The following CCDC51 variants were observed in gnomAD, a reference collection of about 807,000 sequenced individuals.
CCDC51 encodes mitochondrial potassium channel.
CCDC51 carries 25 observed loss-of-function variants against 24.8 expected under a neutral mutation model. The observed-to-expected ratio is 1.01, with a 90% CI of 0.73 to 1.41. CCDC51 has a LOEUF of 1.41. Ranked by LOEUF, CCDC51 falls within the 40% of genes most tolerant of loss-of-function variation. CCDC51 has a pLI of 0.00. For missense variants in CCDC51, 466 were observed against 519.1 expected (o/e 0.90, Z 0.99); for synonymous variants, 190 against 204.3 (o/e 0.93, Z 0.60).
chr3:48,434,983 GGT>G lies in CCDC51; in HGVS notation c.144_145del (p.Arg48SerfsTer2). ...GTGCAGCCCCAGGGCCACCTCCTCA[GGT>G]CTTTTCTCTCCGGGCTGGCTTGGGC... On this transcript the variant is annotated frameshift_variant, in exon 2 of 4. Transcript: ENST00000395694. LOFTEE classifies it high-confidence loss of function. 6.2e-7 allele frequency: 1 copy of G among 1,614,250 alleles called. No homozygotes were observed. Among genetic ancestry groups the G allele is most frequent in the Non-Finnish European group, 8.5e-7 (1 of 1,180,056 alleles).
chr3:48,439,130 C>G (rs2039466386), intron 1 of CCDC51, among the ~76,000 whole-genome samples: 1 of 152,214 alleles, frequency 6.6e-6, no homozygotes, highest in African/African-American at 2.4e-5. Flanking sequence ...CCTAGCACTC[C>G]TGACCCACTT....
chr3:48,444,976 CAA>C (rs1354836250), upstream of CCDC51: 1 of 152,220 alleles, frequency 6.6e-6, no homozygotes, highest in Non-Finnish European at 1.5e-5. Flanking sequence ...TCAATAAATG[CAA>C]AGACAGAGAC....
upstream of CCDC51, chr3:48,440,717 C>T (rs2039540591): frequency 5.8e-6 from 7 of 1,198,940 alleles, no homozygotes; most frequent in East Asian, 2.5e-5. Context: ...TTCCTGCCTC[C>T]TGAACTGCGA....
upstream of CCDC51, chr3:48,444,137 A>T (rs1575432632): frequency 5.7e-6 from 2 of 348,934 alleles, no homozygotes; most frequent in East Asian, 8.7e-5. Context: ...ATCTTGCCAG[A>T]GTCTGTTCTT....
intron 1 of CCDC51, among the ~76,000 whole-genome samples, chr3:48,439,696 T>G (rs902530946): frequency 1.3e-5 from 2 of 152,182 alleles, no homozygotes; most frequent in African/African-American, 4.8e-5. Context: ...TCACCCAATG[T>G]GTACAATTCA....
At chr3:48,439,946 G>A (rs1335539373) in intron 1 of CCDC51, 42 bp downstream of exon 1, 2 of 375,678 alleles carry the variant, frequency 5.3e-6, no homozygotes, top group Non-Finnish European at 9.6e-6. Flanking sequence ...GGAAAGCGAC[G>A]AGCTTGAAGC....
chr3:48,440,728 G>C (rs138356260), upstream of CCDC51: 3,052 of 1,098,532 alleles, frequency 2.8e-3, 12 homozygotes, highest in Non-Finnish European at 3.7e-3. Flanking sequence ...TGAACTGCGA[G>C]GTCTCGTTTT....
At chr3:48,443,970 G>C, upstream of CCDC51, 1 of 962,922 alleles carries the variant, frequency 1.0e-6, no homozygotes, top group Non-Finnish European at 1.4e-6. Flanking sequence ...CTTTTGCCAC[G>C]TATAGCTGGA....
In CCDC51 at chr3:48,437,351, A is replaced by C. The variant is rs1159863648; in HGVS notation, c.-8-2215T>G. ...TTTCTCCACTCCAGTCCCTCCCCTC[A>C]GCCTCTCCACCATCCCACCAGCCCC... On this transcript the variant is annotated intron_variant, in intron 1 of 3. Coordinates refer to ENST00000395694, the MANE Select transcript of CCDC51 (RefSeq NM_001256964.2). The surrounding 1 kb of genome is among the most constrained non-coding windows in gnomAD (Gnocchi z 4.2). Among the ~76,000 whole-genome samples, 2 of 151,990 alleles carry C rather than the reference A, an allele frequency of 1.3e-5. No homozygotes were observed. Among genetic ancestry groups the C allele is most frequent in the Non-Finnish European group, 2.9e-5 (2 of 68,006 alleles).
rs372471016 is a variant in CCDC51, at chr3:48,432,608, G to A, written c.1036C>T (p.His346Tyr). 34 of 1,614,142 alleles carry A rather than the reference G, an allele frequency of 2.1e-5. No individual in the cohort carries two copies. Among genetic ancestry groups the A allele is most frequent in the Non-Finnish European group, 2.8e-5 (33 of 1,180,058 alleles). Residue 346 changes from histidine (H) to tyrosine (Y), a missense_variant, in exon 4 of 4, where the codon CAC (histidine) becomes TAC (tyrosine). His to Tyr is a moderately conservative substitution (Grantham distance 83). Coordinates refer to ENST00000395694, the MANE Select transcript of CCDC51 (RefSeq NM_001256964.2). ...TCTGCTGGTTCCACCAGGCCTGGGT[G>A]TGCTGCAGACTTTACAAGCTGAACC... is the stretch of plus-strand genomic sequence containing the variant. ...GVVQLVKSAA[H>Y]PGLVEPADGA...
At position 48,434,850 on chromosome 3, in the gene CCDC51, G is replaced by C. The variant is rs368305792; in HGVS notation, c.279C>G (p.Asn93Lys). Reference sequence around the variant, plus strand: ...CCTTTCCCTGGGCCTCTCGAACCTCGTTGAGTCCAACAAACTCTTCATATC... The same window carrying C: ...CCTTTCCCTGGGCCTCTCGAACCTCCTTGAGTCCAACAAACTCTTCATATC... ...WDRYEEFVGLNEVREAQGKVT... is the reference protein window; with the variant it reads ...WDRYEEFVGLKEVREAQGKVT... The change falls in exon 2 of 4, where the codon AAC becomes AAG. Residue 93 changes from asparagine (N) to lysine (K), a missense_variant. Physicochemically the swap from Asn to Lys is moderately conservative, Grantham distance 94. Coordinates refer to ENST00000395694, the MANE Select transcript of CCDC51 (RefSeq NM_001256964.2). The C allele has an allele frequency of 1.9e-6, 3 of 1,611,486 alleles. No homozygotes were observed. The highest frequency in any genetic ancestry group is 1.3e-5 in the African/African-American group (1 of 74,910).
At chr3:48,441,567 C>T (rs1406423362), upstream of CCDC51, among the ~76,000 whole-genome samples, 1 of 151,792 alleles carries the variant, frequency 6.6e-6, no homozygotes, top group Admixed American at 6.6e-5. Flanking sequence ...CTGGGTATGC[C>T]TAGACTAAAA....
Position 48,435,348 on chromosome 3 carries a change from G to A in CCDC51, c.-8-212C>T, listed in dbSNP as rs1022383716. ...GCTCTTGGACAATGGAACACAGTTG[G>A]GGACGAGCCTCTAGGATGCCATACC... On this transcript the variant is annotated intron_variant, in intron 1 of 3. Coordinates refer to ENST00000395694, the MANE Select transcript of CCDC51 (RefSeq NM_001256964.2). This position sits in a 1 kb window ranked among gnomAD's most constrained non-coding sequence, Gnocchi z 4.2. 3.9e-5 allele frequency among the ~76,000 whole-genome samples: 6 copies of A among 152,110 alleles called. No homozygotes were observed. Among genetic ancestry groups the A allele is most frequent in the Admixed American group, 1.3e-4 (2 of 15,274 alleles).
upstream of CCDC51, among the ~76,000 whole-genome samples, chr3:48,443,197 C>A (rs936627126): frequency 7.1e-6 from 1 of 140,914 alleles, no homozygotes; most frequent in South Asian, 2.2e-4. Context: ...GCCAAAATTG[C>A]ACCACCGCAG....
intron 1 of CCDC51, among the ~76,000 whole-genome samples, chr3:48,439,743 A>G (rs550152450): frequency 7.3e-4 from 111 of 152,346 alleles, no homozygotes; most frequent in Non-Finnish European, 1.3e-3. Flanking sequence ...TATGGCCATC[A>G]CCAAAATAAA....
upstream of CCDC51, chr3:48,444,201 T>G (rs1015718913): frequency 2.6e-5 from 6 of 235,016 alleles, no homozygotes; most frequent in Non-Finnish European, 4.9e-5. Flanking sequence ...CCAACTCATT[T>G]GAAAGGATGG....
rs773098510 is a variant in CCDC51 at position 48,435,135 on chromosome 3, A to G, written c.-7T>C. 7.7e-6 allele frequency: 12 copies of G among 1,564,354 alleles called. No individual in the cohort carries two copies. On this transcript the variant is annotated splice_region_variant and 5_prime_UTR_variant, in exon 2 of 4. Coordinates refer to ENST00000395694, the MANE Select transcript of CCDC51 (RefSeq NM_001256964.2). This position sits in a 1 kb window ranked among gnomAD's most constrained non-coding sequence, Gnocchi z 4.2. ...CAGGGCTGCGCCCCATCATCCTGAG[A>G]TCTGTGAGGGGGACGCCAGACAGGT...
chr3:48,442,734 G>A (rs1280439340), upstream of CCDC51, among the ~76,000 whole-genome samples: 1 of 152,092 alleles, frequency 6.6e-6, no homozygotes, highest in African/African-American at 2.4e-5. Context: ...ACAGGCGTGA[G>A]CCACCGCGCC....
intron 1 of CCDC51, chr3:48,438,216 A>G (rs532859737): frequency 1.3e-5 from 2 of 152,238 alleles, no homozygotes; most frequent in East Asian, 3.9e-4. Context: ...GGTCAAAAAA[A>G]TTTATTTTGG....
Sources: allele counts gnomAD v4.1 joint callset (sites outside exome capture counted in the v4.1 genomes callset), GRCh38; gene constraint gnomAD v4.1.1; non-coding constraint Gnocchi (gnomAD v3.1); transcripts MANE v1.5; gene names NCBI Gene and HGNC (gene_info 2026-07-23, HGNC 2026-07-21).